Variants in SAMD5 observed in about 807,000 individuals in gnomAD.
SAMD5 encodes the protein sterile alpha motif domain containing 5, also known as sterile alpha motif domain-containing protein 5.
SAMD5 carries 13 observed loss-of-function variants against 11.3 expected under a neutral mutation model. That is an observed-to-expected ratio of 1.15 (90% confidence interval 0.75 to 1.83). SAMD5 has a LOEUF of 1.83. Ranked by LOEUF, SAMD5 falls within the 40% of genes most tolerant of loss-of-function variation. SAMD5 has a pLI of 0.00. For synonymous variants in SAMD5, 129 were observed against 111.3 expected (o/e 1.16, Z -1.00); for missense variants, 255 against 239.1 (o/e 1.07, Z -0.44).
At position 147,730,074 on chromosome 6, in the gene SAMD5, CAAAAAAA is replaced by C. The variant is rs34624038; in HGVS notation, c.163-7231_163-7225del. ...TACTCCAGCCTGGGTGACTCTGTCT[CAAAAAAA>C]AAAAAAAAAAAGAAAAGAAAAAAAG... On this transcript the variant is annotated intron_variant, in intron 1 of 1. Transcript: ENST00000566741. 178 of 308,270 alleles carry C rather than the reference CAAAAAAA, an allele frequency of 5.8e-4. 2 individuals carry two copies. The highest frequency in any genetic ancestry group is 4.6e-3 in the African/African-American group (146 of 31,632). The allele number at this position is 308,270 out of a possible 1,614,324, so 19.1% of individuals were successfully genotyped here.
chr6:147,785,643 G>A, the SAMD5 span, among the ~76,000 whole-genome samples: 9 of 152,160 alleles, frequency 5.9e-5, no homozygotes, highest in Non-Finnish European at 1.2e-4. Context: ...TTACAGTTAT[G>A]TCCATATTCT....
At chr6:147,678,720 A>G (rs577791048) in intron 1 of SAMD5, among the ~76,000 whole-genome samples, 2 of 152,228 alleles carry the variant, frequency 1.3e-5, no homozygotes, top group African/African-American at 4.8e-5. Flanking sequence ...ATGGGAGTTC[A>G]TGGAAGAGGG....
the SAMD5 span, among the ~76,000 whole-genome samples, chr6:147,766,638 C>A: frequency 1.3e-5 from 2 of 152,116 alleles, no homozygotes; most frequent in Admixed American, 6.5e-5. Context: ...AAACCTCCCA[C>A]GTCTTAGAGA....
At chr6:147,755,355 G>A in the SAMD5 span, among the ~76,000 whole-genome samples, 1 of 151,754 alleles carries the variant, frequency 6.6e-6, no homozygotes, top group Non-Finnish European at 1.5e-5. Flanking sequence ...TTCTTTTTTA[G>A]TACAGTATTT....
intron 1 of SAMD5, among the ~76,000 whole-genome samples, chr6:147,687,135 T>C (rs1791023219): frequency 6.6e-6 from 1 of 152,152 alleles, no homozygotes. Context: ...GCACACATTT[T>C]TTAAACCCTA....
At chr6:147,739,098 T>C (rs1178631521), downstream of SAMD5, among the ~76,000 whole-genome samples, 1 of 152,114 alleles carries the variant, frequency 6.6e-6, no homozygotes, top group Non-Finnish European at 1.5e-5. Flanking sequence ...TAGGATGGTG[T>C]TGGGGAAAAA....
chr6:147,739,887 T>G (rs1791854664), downstream of SAMD5, among the ~76,000 whole-genome samples: 1 of 152,162 alleles, frequency 6.6e-6, no homozygotes, highest in South Asian at 2.1e-4. Flanking sequence ...CGGCATGATA[T>G]CAGCTCACTG....
chr6:147,797,668 G>A, the SAMD5 span, among the ~76,000 whole-genome samples: 1 of 141,422 alleles, frequency 7.1e-6, no homozygotes, highest in Non-Finnish European at 1.5e-5. Flanking sequence ...TGTACCTCTG[G>A]TAGAATTCGG....
intron 1 of SAMD5, among the ~76,000 whole-genome samples, chr6:147,543,782 G>A (rs1239587340): frequency 6.6e-6 from 1 of 152,164 alleles, no homozygotes; most frequent in African/African-American, 2.4e-5. Context: ...GTTCGGAATA[G>A]GGAAAATGAA....
chr6:147,895,607 G>T, the SAMD5 span, among the ~76,000 whole-genome samples: 1 of 152,136 alleles, frequency 6.6e-6, no homozygotes, highest in East Asian at 1.9e-4. Flanking sequence ...CTTGAAAGCC[G>T]AGCAAATGAG....
At chr6:147,692,090 A>G (rs1399233996) in intron 1 of SAMD5, among the ~76,000 whole-genome samples, 2 of 152,314 alleles carry the variant, frequency 1.3e-5, no homozygotes, top group East Asian at 3.9e-4. Flanking sequence ...GAAGTGGATG[A>G]TAACTTATTG....
chr6:147,747,103 G>A, the SAMD5 span, among the ~76,000 whole-genome samples: 761 of 152,322 alleles, frequency 5.0e-3, 8 homozygotes, highest in Middle Eastern at 0.014. Context: ...GTCAAGTTTG[G>A]AAATTAGGAA....
At chr6:147,577,616 T>A (rs1583092145) in intron 1 of SAMD5, among the ~76,000 whole-genome samples, 1 of 152,284 alleles carries the variant, frequency 6.6e-6, no homozygotes, top group South Asian at 2.1e-4. Flanking sequence ...TCCAAGTACA[T>A]TTGAAGAATA....
chr6:147,870,478 G>GTA, the SAMD5 span, among the ~76,000 whole-genome samples: 7 of 136,096 alleles, frequency 5.1e-5, no homozygotes, highest in Non-Finnish European at 1.1e-4. Flanking sequence ...GTGTGTGTGT[G>GTA]TGTGTATATA....
At chr6:147,546,425 G>A (rs1051934357) in intron 1 of SAMD5, among the ~76,000 whole-genome samples, 1 of 152,052 alleles carries the variant, frequency 6.6e-6, no homozygotes, top group Non-Finnish European at 1.5e-5. Context: ...AGCTACTTGG[G>A]AGGCTGAGGC....
the SAMD5 span, among the ~76,000 whole-genome samples, chr6:147,775,699 T>C: frequency 6.6e-6 from 1 of 152,168 alleles, no homozygotes; most frequent in African/African-American, 2.4e-5. Context: ...AGGACTGTGG[T>C]AGAAGGATCA....
At chr6:147,728,945 T>C (rs577968736) in intron 1 of SAMD5, among the ~76,000 whole-genome samples, 1 of 152,364 alleles carries the variant, frequency 6.6e-6, no homozygotes, top group South Asian at 2.1e-4. Context: ...TGCAAGGCTG[T>C]ATTCTTCTGC....
At chr6:147,815,218 C>T in the SAMD5 span, among the ~76,000 whole-genome samples, 5 of 152,242 alleles carry the variant, frequency 3.3e-5, no homozygotes, top group African/African-American at 7.2e-5. Flanking sequence ...CCCTTACCAG[C>T]CTCGTTCACT....
chr6:147,594,429 T>C (rs1789499923), intron 1 of SAMD5, among the ~76,000 whole-genome samples: 1 of 152,174 alleles, frequency 6.6e-6, no homozygotes, highest in Non-Finnish European at 1.5e-5. Flanking sequence ...TCACGGATAA[T>C]GTCATTGATT....
Sources: allele counts gnomAD v4.1 joint callset (sites outside exome capture counted in the v4.1 genomes callset), GRCh38; gene constraint gnomAD v4.1.1; transcripts MANE v1.5; gene names NCBI Gene and HGNC (gene_info 2026-07-23, HGNC 2026-07-21).